VIPR2: variants seen among roughly 807,000 people sequenced by gnomAD.
The protein encoded by VIPR2 is vasoactive intestinal peptide receptor 2.
Under a neutral mutation model 58.0 loss-of-function variants are expected in VIPR2, and 48 were observed. The ratio of observed to expected loss-of-function variants is 0.83; its 90% CI spans 0.66 to 1.05. The LOEUF is 1.05. VIPR2 is among the 50% of genes least tolerant of loss of function. The pLI is 0.00. For synonymous variants in VIPR2, 243 were observed against 235.2 expected, an observed-to-expected ratio of 1.03 and a Z score of -0.30; for missense variants, 534 against 558.0, an observed-to-expected ratio of 0.96 and a Z score of 0.43.
rs1306277414 is a variant in VIPR2, at chr7:159,097,181, TG to T, written c.357+6575del. On this transcript the variant is annotated intron_variant, in intron 4 of 12. Coordinates refer to ENST00000262178, the MANE Select transcript of VIPR2 (RefSeq NM_003382.5). This position sits in a 1 kb window ranked among gnomAD's most constrained non-coding sequence, Gnocchi z 5.3. ...CTGCTGTGATCTTTGTCACCAGGGA[TG>T]GGAGCCCTGGGGAGTGAAGTTTGCC... 3.5e-6 allele frequency: 5 copies of T among 1,441,702 alleles called. No homozygotes were observed. Among genetic ancestry groups the T allele is most frequent in the Middle Eastern group, 2.1e-4 (1 of 4,748 alleles). 89.3% of individuals were successfully genotyped at this position (1,441,702 alleles called of 1,614,324 possible). A position where few individuals can be genotyped will look rare whatever the true frequency, so the allele number is the denominator to read the frequency against.
Position 159,103,763 on chromosome 7 carries a change from C to A in VIPR2, c.351G>T (p.Glu117Asp). Residue 117 changes from glutamate (E) to aspartate (D), a missense_variant, in exon 4 of 13, where the codon GAG becomes GAT. Physicochemically the swap from Glu to Asp is conservative, Grantham distance 45 (BLOSUM62 2). This residue lies in a region of VIPR2 where 224 missense variants were observed against 255.7 expected (regional missense o/e 0.88). Transcript: ENST00000262178. ...DACGYSDPED[E>D]SKITFYILVK... ...GCACCACGCAGGAGCCTACCTTGCT[C>A]TCATCCTCCGGGTCGCTGTAGCCAC... 6.2e-7 allele frequency: 1 copy of A among 1,614,028 alleles called. No homozygotes were observed. Among genetic ancestry groups the A allele is most frequent in the Non-Finnish European group, 8.5e-7 (1 of 1,179,924 alleles).
chr7:159,031,500 T>C lies in VIPR2; in HGVS notation c.1143+328A>G, dbSNP rs919609826. On this transcript the variant is annotated intron_variant, in intron 12 of 12. Transcript: ENST00000262178. The surrounding 1 kb of genome is among the most constrained non-coding windows in gnomAD (Gnocchi z 4.0). ...CCGGCTTTCTGGGACTCACAAGCTA[T>C]GGTCAGGAGCGAGACGCCGACCATG... The C allele has an allele frequency of 2.0e-6, 2 of 985,020 alleles. No individual in the cohort carries two copies. Among genetic ancestry groups the C allele is most frequent in the African/African-American group, 1.8e-5 (1 of 57,108 alleles). The allele number at this position is 985,020 out of a possible 1,614,324, so 61.0% of individuals were successfully genotyped here.
At position 159,114,835 on chromosome 7, in the gene VIPR2, G is replaced by C. The variant is rs140647887; in HGVS notation, c.152-4916C>G. ...AGAGAGGGAGAGAGAAAGGAAGGAAGAAGGGAGGGAGGGAGGGAGCGGGGA... is the reference window on the plus strand; with the variant it reads ...AGAGAGGGAGAGAGAAAGGAAGGAACAAGGGAGGGAGGGAGGGAGCGGGGA... On this transcript the variant is annotated intron_variant, in intron 2 of 12. Coordinates refer to ENST00000262178, the MANE Select transcript of VIPR2 (RefSeq NM_003382.5). 4.8e-3 allele frequency among the ~76,000 whole-genome samples: 655 copies of C among 136,856 alleles called. 12 individuals carry two copies. Among genetic ancestry groups the C allele is most frequent in the Admixed American group, 0.039 (537 of 13,692 alleles). The allele number at this position is 136,856 out of a possible 152,430, so 89.8% of individuals were successfully genotyped here. A position where few individuals can be genotyped will look rare whatever the true frequency, so the allele number is the denominator to read the frequency against.
chr7:159,133,533 G>A (rs201748950), intron 2 of VIPR2, among the ~76,000 whole-genome samples: 5,318 of 115,908 alleles, frequency 0.046, 5 homozygotes, highest in East Asian at 0.13. Flanking sequence ...TTGGCCATCC[G>A]AACAGGTAAC....
chr7:159,072,304 T>C (rs564026168), intron 4 of VIPR2, among the ~76,000 whole-genome samples: 40 of 152,360 alleles, frequency 2.6e-4, no homozygotes, highest in Non-Finnish European at 5.1e-4. Flanking sequence ...ATGACACTTA[T>C]GACTATAAAA....
intron 2 of VIPR2, among the ~76,000 whole-genome samples, chr7:159,123,816 A>AT (rs1482997002): frequency 2.6e-5 from 4 of 151,884 alleles, no homozygotes; most frequent in Admixed American, 6.6e-5. Flanking sequence ...AGCATCTGTT[A>AT]TTTTTTTACT....
At chr7:159,118,000 A>G (rs1796305272) in intron 2 of VIPR2, among the ~76,000 whole-genome samples, 3 of 152,228 alleles carry the variant, frequency 2.0e-5, no homozygotes, top group Admixed American at 1.3e-4. Flanking sequence ...AGTGACAACA[A>G]CAAAGCTTCC....
chr7:159,143,286 G>A (rs1047989955), intron 1 of VIPR2, among the ~76,000 whole-genome samples: 3 of 152,216 alleles, frequency 2.0e-5, no homozygotes, highest in African/African-American at 7.2e-5. Context: ...CACGCCCTCC[G>A]CGAAGTCAGC....
chr7:159,060,449 T>G (rs537188884), intron 4 of VIPR2, among the ~76,000 whole-genome samples: 50 of 152,128 alleles, frequency 3.3e-4, no homozygotes, highest in Non-Finnish European at 6.6e-4. Context: ...ACCACCACTC[T>G]CAATTCATCT....
intron 5 of VIPR2, 69 bp downstream of exon 5, chr7:159,058,412 C>T (rs1369534663): frequency 7.1e-7 from 1 of 1,409,824 alleles, no homozygotes; most frequent in Admixed American, 1.7e-5. Context: ...TGGGTGGCGC[C>T]TAGAAGGCCT....
chr7:159,054,606 C>T (rs190690992), intron 5 of VIPR2, among the ~76,000 whole-genome samples: 6 of 152,214 alleles, frequency 3.9e-5, no homozygotes, highest in Admixed American at 1.3e-4. Flanking sequence ...ATTAAAACAC[C>T]GTTCTATGTT....
At chr7:159,041,825 C>A (rs2129493389) in intron 6 of VIPR2, among the ~76,000 whole-genome samples, 1 of 152,224 alleles carries the variant, frequency 6.6e-6, no homozygotes, top group African/African-American at 2.4e-5. Context: ...GGCAGGGGAT[C>A]TGCAGAGTGA....
chr7:159,043,013 C>T, intron 6 of VIPR2, 22 bp downstream of exon 6: 6 of 1,611,736 alleles, frequency 3.7e-6, no homozygotes, highest in Non-Finnish European at 5.1e-6. Context: ...ACAGTGGGAC[C>T]CTGTGGTGGG....
At position 159,031,578 on chromosome 7, in the gene VIPR2, C is replaced by T. The variant is rs530790931; in HGVS notation, c.1143+250G>A. ...GCCGGGAGCTTTCCCGAGAGGGCTC[C>T]GAGACGGACGGCAGTCGATGCTACT... On this transcript the variant is annotated intron_variant, in intron 12 of 12. Transcript: ENST00000262178. The surrounding 1 kb of genome is among the most constrained non-coding windows in gnomAD (Gnocchi z 4.0). The T allele has an allele frequency of 6.2e-5, 61 of 985,368 alleles. No homozygotes were observed. In the South Asian group the frequency reaches 6.6e-4, roughly 11 times the overall value. The allele number at this position is 985,368 out of a possible 1,614,324, so 61.0% of individuals were successfully genotyped here.
chr7:159,041,992 CTTG>C (rs1397782927), intron 6 of VIPR2, among the ~76,000 whole-genome samples: 2 of 152,150 alleles, frequency 1.3e-5, no homozygotes, highest in East Asian at 3.9e-4. Context: ...GGTGAAAAAT[CTTG>C]TTTTTAATTT....
intron 4 of VIPR2, among the ~76,000 whole-genome samples, chr7:159,082,214 C>G (rs1856941170): frequency 6.6e-6 from 1 of 152,112 alleles, no homozygotes; most frequent in African/African-American, 2.4e-5. Context: ...TGGAACTAAC[C>G]CAAATGTCCA....
At chr7:159,079,396 G>A (rs554008303) in intron 4 of VIPR2, among the ~76,000 whole-genome samples, 1 of 152,244 alleles carries the variant, frequency 6.6e-6, no homozygotes, top group South Asian at 2.1e-4. Context: ...AATGAAGGCA[G>A]AAATAAAGAT....
At chr7:159,040,734 T>TA (rs1039579342) in intron 6 of VIPR2, among the ~76,000 whole-genome samples, 1 of 152,236 alleles carries the variant, frequency 6.6e-6, no homozygotes, top group African/African-American at 2.4e-5. Context: ...GAAGGAAAGC[T>TA]ATTTTTCCTG....
intron 5 of VIPR2, among the ~76,000 whole-genome samples, chr7:159,057,653 A>AT (rs1201824000): frequency 6.6e-6 from 1 of 152,246 alleles, no homozygotes; most frequent in African/African-American, 2.4e-5. Flanking sequence ...GATACATAGA[A>AT]TAAGCTGAAT....
Sources: allele counts gnomAD v4.1 joint callset (sites outside exome capture counted in the v4.1 genomes callset), GRCh38; gene constraint gnomAD v4.1.1; regional missense constraint gnomAD v4.1.1; non-coding constraint Gnocchi (gnomAD v3.1); transcripts MANE v1.5; gene names NCBI Gene and HGNC (gene_info 2026-07-23, HGNC 2026-07-21).